TGFBR3: variants seen among roughly 807,000 people sequenced by gnomAD.
The protein encoded by TGFBR3 is transforming growth factor beta receptor 3.
Under a neutral mutation model 87.9 loss-of-function variants are expected in TGFBR3, and 46 were observed. That is an observed-to-expected ratio of 0.52 (90% confidence interval 0.41 to 0.67). The LOEUF is 0.67. Among genes scored for constraint, TGFBR3 ranks in the 30% least tolerant of loss-of-function variants. TGFBR3 has a pLI of 0.00. For synonymous variants in TGFBR3, 381 were observed against 391.6 expected (o/e 0.97, Z 0.32); for missense variants, 866 against 1,041.9 (o/e 0.83, Z 2.32).
chr1:91,712,862 A>G (rs1672031505), intron 12 of TGFBR3, among the ~76,000 whole-genome samples: 1 of 152,258 alleles, frequency 6.6e-6, no homozygotes, highest in Non-Finnish European at 1.5e-5. Flanking sequence ...CATATTTTGC[A>G]TTTAAAGTGG....
intron 5 of TGFBR3, among the ~76,000 whole-genome samples, chr1:91,731,318 G>A (rs921660048): frequency 1.3e-5 from 2 of 152,052 alleles, no homozygotes; most frequent in African/African-American, 4.8e-5. Flanking sequence ...GCACACACTG[G>A]GGCATCATGG....
intron 5 of TGFBR3, among the ~76,000 whole-genome samples, chr1:91,733,716 T>C (rs893116354): frequency 6.6e-6 from 1 of 152,106 alleles, no homozygotes; most frequent in African/African-American, 2.4e-5. Context: ...GGGTTCCAAA[T>C]ATACTCAACT....
chr1:91,765,561 C>T (rs991136266), intron 3 of TGFBR3, among the ~76,000 whole-genome samples: 7 of 152,152 alleles, frequency 4.6e-5, no homozygotes, highest in Admixed American at 2.6e-4. Context: ...CCCTGATCAT[C>T]ATCCTCTCTG....
At chr1:91,766,823 G>T (rs371333258) in intron 3 of TGFBR3, among the ~76,000 whole-genome samples, 1 of 132,890 alleles carries the variant, frequency 7.5e-6, no homozygotes, top group Non-Finnish European at 1.6e-5. Context: ...GAATTCCAAC[G>T]GGACAGCTGA....
intron 1 of TGFBR3, among the ~76,000 whole-genome samples, chr1:91,902,796 A>T (rs1165988632): frequency 6.6e-6 from 1 of 151,944 alleles, no homozygotes; most frequent in Non-Finnish European, 1.5e-5. Flanking sequence ...TCACACACGG[A>T]TGATGGAGGT....
At chr1:91,710,346 T>A (rs559493175) in intron 13 of TGFBR3, among the ~76,000 whole-genome samples, 58 of 152,206 alleles carry the variant, frequency 3.8e-4, no homozygotes, top group Non-Finnish European at 7.3e-4. Flanking sequence ...TGGAGAGGCA[T>A]GATGACTGAA....
intron 2 of TGFBR3, among the ~76,000 whole-genome samples, chr1:91,859,842 G>A (rs753951915): frequency 2.7e-5 from 4 of 150,076 alleles, no homozygotes; most frequent in Non-Finnish European, 5.9e-5. Context: ...CCAGGAGACA[G>A]AGGTTGCAGT....
At chr1:91,756,537 G>A (rs185779907) in intron 4 of TGFBR3, among the ~76,000 whole-genome samples, 8 of 152,172 alleles carry the variant, frequency 5.3e-5, no homozygotes, top group African/African-American at 1.2e-4. Flanking sequence ...GAAGGCTATC[G>A]TGAGAATTAA....
intron 14 of TGFBR3, among the ~76,000 whole-genome samples, chr1:91,704,076 C>T (rs941294693): frequency 3.9e-5 from 6 of 151,936 alleles, no homozygotes; most frequent in Non-Finnish European, 5.9e-5. Flanking sequence ...GCCTATAATC[C>T]CAGCACTTTG....
rs574476605 is a variant in TGFBR3 at position 91,845,460 on chromosome 1, T to C, written c.61+16011A>G. 2.6e-5 allele frequency among the ~76,000 whole-genome samples: 4 copies of C among 152,328 alleles called. No individual in the cohort carries two copies. In the South Asian group the frequency reaches 8.3e-4, roughly 32 times the overall value. Reference sequence around the variant, plus strand: ...AAGTCTGAAATATCCTTCTATACTTTGATCTTCAGCTGTCTCCGTTGCCTT... The same window carrying C: ...AAGTCTGAAATATCCTTCTATACTTCGATCTTCAGCTGTCTCCGTTGCCTT... On this transcript the variant is annotated intron_variant, in intron 2 of 16. Coordinates refer to ENST00000212355, the MANE Select transcript of TGFBR3 (RefSeq NM_003243.5).
intron 7 of TGFBR3, among the ~76,000 whole-genome samples, chr1:91,724,568 T>C (rs1672486904): frequency 6.6e-6 from 1 of 152,240 alleles, no homozygotes; most frequent in Non-Finnish European, 1.5e-5. Flanking sequence ...GAGCTGTCAA[T>C]ACATCTCATT....
chr1:91,689,554 A>C (rs1486842141), intron 16 of TGFBR3, among the ~76,000 whole-genome samples: 1 of 152,352 alleles, frequency 6.6e-6, no homozygotes, highest in Non-Finnish European at 1.5e-5. Flanking sequence ...GACACTAAAC[A>C]GAGGCAAAAA....
At chr1:91,768,210 C>T (rs1189322993) in intron 3 of TGFBR3, among the ~76,000 whole-genome samples, 1 of 83,626 alleles carries the variant, frequency 1.2e-5, no homozygotes, top group Admixed American at 1.2e-4. Context: ...GAAACTCCAT[C>T]TCAAAAAAAA....
intron 2 of TGFBR3, among the ~76,000 whole-genome samples, chr1:91,826,163 G>A (rs544604908): frequency 7.9e-5 from 12 of 152,138 alleles, no homozygotes; most frequent in African/African-American, 2.2e-4. Context: ...TCCCAGAGTC[G>A]AGAGAGAGTG....
chr1:91,795,349 GC>G (rs1431666571), intron 3 of TGFBR3, among the ~76,000 whole-genome samples: 3 of 152,098 alleles, frequency 2.0e-5, no homozygotes, highest in Non-Finnish European at 2.9e-5. Context: ...CCCTTTGTAG[GC>G]CCTCTTTCTT....
chr1:91,744,813 A>C (rs533040506), intron 4 of TGFBR3, among the ~76,000 whole-genome samples: 4 of 152,356 alleles, frequency 2.6e-5, no homozygotes, highest in Non-Finnish European at 4.4e-5. Flanking sequence ...TTGAAGAACG[A>C]GCAAGAATCT....
At chr1:91,818,679 T>A (rs1008172685) in intron 2 of TGFBR3, among the ~76,000 whole-genome samples, 2 of 152,210 alleles carry the variant, frequency 1.3e-5, no homozygotes, top group Admixed American at 1.3e-4. Flanking sequence ...GGACCTTTTG[T>A]GTGTGTGTCT....
intron 2 of TGFBR3, among the ~76,000 whole-genome samples, chr1:91,838,180 T>C: frequency 6.6e-6 from 1 of 152,192 alleles, no homozygotes; most frequent in South Asian, 2.1e-4. Context: ...CTCTTCTGTA[T>C]TATTCAGAAA....
At chr1:91,768,332 C>T (rs1052073752) in intron 3 of TGFBR3, among the ~76,000 whole-genome samples, 4 of 152,072 alleles carry the variant, frequency 2.6e-5, no homozygotes, top group Admixed American at 6.6e-5. Flanking sequence ...TACATATAAA[C>T]TATCTCAGAG....
Sources: gnomAD v4.1 joint callset for allele counts (sites outside exome capture counted in the v4.1 genomes callset) on GRCh38, gnomAD v4.1.1 for gene constraint, MANE v1.5 for transcripts, NCBI Gene and HGNC (gene_info 2026-07-23, HGNC 2026-07-21) for gene names.